The following MCF2L2 variants were observed in gnomAD, a reference collection of about 807,000 sequenced individuals.
MCF2L2 encodes probable guanine nucleotide exchange factor MCF2L2.
A neutral mutation model predicts 150.2 loss-of-function variants in MCF2L2; 102 were observed. The observed-to-expected ratio is 0.68, with a 90% CI of 0.58 to 0.80. The LOEUF (loss-of-function observed/expected upper bound fraction) is 0.80, where lower values mean the gene tolerates loss of function less well. MCF2L2 is among the 30% of genes least tolerant of loss of function. The probability of loss-of-function intolerance (pLI) is 0.00; values close to 1 mark genes in which losing one functional copy is unlikely to be tolerated. For synonymous variants in MCF2L2, 465 were observed against 491.3 expected (o/e 0.95, Z 0.71); for missense variants, 1,256 against 1,372.8 (o/e 0.91, Z 1.34).
intron 23 of MCF2L2, 129 bp from the exon 24 acceptor site, chr3:183,206,343 T>C: frequency 1.4e-6 from 1 of 705,036 alleles, no homozygotes; most frequent in South Asian, 1.6e-5. Context: ...AAGTTTTTGC[T>C]TTCCTCTCTT....
In MCF2L2 at chr3:183,211,516, C is replaced by A. The variant is rs576614881; in HGVS notation, c.2497-3693G>T. Among the ~76,000 whole-genome samples, 16 of 152,340 alleles carry A rather than the reference C, an allele frequency of 1.1e-4. No homozygotes were observed. The South Asian group carries it at 3.1e-3, about 30-fold the overall frequency. On this transcript the variant is annotated intron_variant, in intron 22 of 29. Coordinates refer to ENST00000328913, the MANE Select transcript of MCF2L2 (RefSeq NM_015078.4). The stretch of plus-strand genomic sequence containing the variant: ...CCAGCGGGTGAGCACATGCCCTACA[C>A]GGTGCTGACCAAGGGCAGGCACACA...
In MCF2L2 at chr3:183,297,010, T is replaced by C. The variant is rs1315831914; in HGVS notation, c.1463A>G (p.Asn488Ser). ...YPLLSPKEFYNEFELLLTLDA... is the reference protein window; with the variant it reads ...YPLLSPKEFYSEFELLLTLDA... ...GAGGGTGAGCAGCAACTCAAACTCG[T>C]TGTAAAACTCCTTGGGGCTGAGCAA... is the stretch of plus-strand genomic sequence containing the variant. Residue 488 changes from asparagine (N) to serine (S), a missense_variant, in exon 12 of 30, where the codon AAC becomes AGC. Asn to Ser is a conservative substitution (Grantham distance 46). Coordinates refer to ENST00000328913, the MANE Select transcript of MCF2L2 (RefSeq NM_015078.4). 12 of 1,613,970 alleles carry C rather than the reference T, an allele frequency of 7.4e-6. No individual in the cohort carries two copies. The highest frequency in any genetic ancestry group is 2.2e-5 in the South Asian group (2 of 91,074).
At chr3:183,382,600 C>T (rs1001257996) in intron 2 of MCF2L2, among the ~76,000 whole-genome samples, 4 of 152,074 alleles carry the variant, frequency 2.6e-5, no homozygotes, top group African/African-American at 7.2e-5. Flanking sequence ...TCTGAGGAAA[C>T]GCGGTAATGC....
intron 3 of MCF2L2, among the ~76,000 whole-genome samples, chr3:183,346,073 GGCCA>G (rs1730886789): frequency 1.3e-5 from 2 of 152,142 alleles, no homozygotes; most frequent in Non-Finnish European, 2.9e-5. Flanking sequence ...CATTTTATGA[GGCCA>G]GCATCATCCT....
intron 7 of MCF2L2, among the ~76,000 whole-genome samples, chr3:183,314,048 G>A (rs765653274): frequency 6.6e-6 from 1 of 152,234 alleles, no homozygotes; most frequent in Non-Finnish European, 1.5e-5. Context: ...CAGGAGCTGA[G>A]CTCTCCCAGG....
At position 183,270,597 on chromosome 3, in the gene MCF2L2, A is replaced by G. The variant is rs907298861; in HGVS notation, c.1862+6275T>C. 4 of 1,614,114 alleles carry G rather than the reference A, an allele frequency of 2.5e-6. No individual in the cohort carries two copies. Among genetic ancestry groups the G allele is most frequent in the African/African-American group, 2.7e-5 (2 of 74,930 alleles). ...TGTAATCTCCGGTGATGTAGCTGCC[A>G]AAGTCTATGAGGCATCACAGACACT... On this transcript the variant is annotated intron_variant, in intron 15 of 29. Coordinates refer to ENST00000328913, the MANE Select transcript of MCF2L2 (RefSeq NM_015078.4). This position sits in a 1 kb window ranked among gnomAD's most constrained non-coding sequence, Gnocchi z 4.5.
At position 183,179,835 on chromosome 3, in the gene MCF2L2, G is replaced by T; in HGVS notation, c.3106-143C>A. ...CACGGGGCTCTCAGCGGGAGCCCCA[G>T]TTATGACCGGACACCAGCGCACCGC... On this transcript the variant is annotated intron_variant, in intron 28 of 29. Coordinates refer to ENST00000328913, the MANE Select transcript of MCF2L2 (RefSeq NM_015078.4). The surrounding 1 kb of genome is among the most constrained non-coding windows in gnomAD (Gnocchi z 4.2). The T allele has an allele frequency of 2.6e-6, 2 of 772,564 alleles. No homozygotes were observed. Among genetic ancestry groups the T allele is most frequent in the Middle Eastern group, 3.2e-4 (1 of 3,114 alleles). 47.9% of individuals were successfully genotyped at this position (772,564 alleles called of 1,614,324 possible).
At chr3:183,217,570 A>G (rs571745188) in intron 21 of MCF2L2, among the ~76,000 whole-genome samples, 1 of 152,324 alleles carries the variant, frequency 6.6e-6, no homozygotes, top group Admixed American at 6.5e-5. Context: ...AATTATACTT[A>G]AAATCATCCC....
At chr3:183,193,692 T>G (rs1034226097) in intron 26 of MCF2L2, among the ~76,000 whole-genome samples, 3 of 152,174 alleles carry the variant, frequency 2.0e-5, no homozygotes, top group Non-Finnish European at 4.4e-5. Flanking sequence ...CAAAAATGTT[T>G]TCACTGGCTC....
chr3:183,338,774 G>C, intron 5 of MCF2L2, 26 bp downstream of exon 5: 1 of 1,582,666 alleles, frequency 6.3e-7, no homozygotes, highest in Non-Finnish European at 8.6e-7. Flanking sequence ...CTAACCAAAT[G>C]AGACAAGATG....
chr3:183,311,553 C>T (rs1729378570), intron 8 of MCF2L2, 95 bp downstream of exon 8: 1 of 1,404,174 alleles, frequency 7.1e-7, no homozygotes, highest in Non-Finnish European at 9.8e-7. Context: ...CACCAAGACC[C>T]AATATTGGCT....
At chr3:183,347,530 G>A (rs1369508085) in intron 3 of MCF2L2, among the ~76,000 whole-genome samples, 2 of 152,170 alleles carry the variant, frequency 1.3e-5, no homozygotes, top group Non-Finnish European at 2.9e-5. Context: ...AAAAGCAATT[G>A]CCACAAAAGC....
intron 27 of MCF2L2, among the ~76,000 whole-genome samples, chr3:183,191,835 T>C (rs1345748055): frequency 6.6e-6 from 1 of 151,920 alleles, no homozygotes; most frequent in East Asian, 1.9e-4. Flanking sequence ...TGTTTATTTA[T>C]TTATTTATTT....
intron 1 of MCF2L2, among the ~76,000 whole-genome samples, chr3:183,391,895 C>CT (rs1560054355): frequency 1.4e-5 from 2 of 139,770 alleles, no homozygotes; most frequent in African/African-American, 6.5e-5. Flanking sequence ...TTTTTGATTT[C>CT]TCTTTTTTAA....
chr3:183,271,130 C>CAAAG (rs534109346), intron 15 of MCF2L2: 26 of 471,620 alleles, frequency 5.5e-5, no homozygotes, highest in African/African-American at 1.0e-4. Context: ...AAGTTCATTT[C>CAAAG]AAAGAATTTG....
intron 15 of MCF2L2, among the ~76,000 whole-genome samples, chr3:183,256,081 A>G (rs373657306): frequency 9.2e-5 from 14 of 152,360 alleles, no homozygotes; most frequent in African/African-American, 3.4e-4. Context: ...AATGTCCCCT[A>G]TTCAGGGGGA....
At chr3:183,278,617 G>A (rs1385051146) in intron 14 of MCF2L2, among the ~76,000 whole-genome samples, 4 of 152,206 alleles carry the variant, frequency 2.6e-5, no homozygotes, top group Admixed American at 2.0e-4. Flanking sequence ...TCCCCAGCGT[G>A]TAATACAGGC....
chr3:183,189,792 T>C (rs1721815694), intron 27 of MCF2L2, among the ~76,000 whole-genome samples: 1 of 152,206 alleles, frequency 6.6e-6, no homozygotes, highest in Admixed American at 6.5e-5. Flanking sequence ...CAAGGCGAAG[T>C]AGGCCACTGC....
chr3:183,179,165 C>A lies in MCF2L2; in HGVS notation c.*215G>T, dbSNP rs1262693861. The A allele has an allele frequency of 3.9e-6, 2 of 507,486 alleles. No homozygotes were observed. Among genetic ancestry groups the A allele is most frequent in the Non-Finnish European group, 6.3e-6 (2 of 319,880 alleles). 31.4% of individuals were successfully genotyped at this position (507,486 alleles called of 1,614,324 possible). A position where few individuals can be genotyped will look rare whatever the true frequency, so the allele number is the denominator to read the frequency against. ...TGCGGGCTCTGCTCGCCTCTGCAGG[C>A]GCCTTAGAGCAGCTCCGAGGTCCCC... On this transcript the variant is annotated 3_prime_UTR_variant, in exon 30 of 30. Coordinates refer to ENST00000328913, the MANE Select transcript of MCF2L2 (RefSeq NM_015078.4). This position sits in a 1 kb window ranked among gnomAD's most constrained non-coding sequence, Gnocchi z 4.2.
Sources: gnomAD v4.1 joint callset for allele counts (sites outside exome capture counted in the v4.1 genomes callset) on GRCh38, gnomAD v4.1.1 for gene constraint, Gnocchi (gnomAD v3.1) non-coding constraint, MANE v1.5 for transcripts, NCBI Gene and HGNC (gene_info 2026-07-23, HGNC 2026-07-21) for gene names.